Variants in VPS13C observed in about 807,000 individuals in gnomAD.
The protein encoded by VPS13C is intermembrane lipid transfer protein VPS13C.
A neutral mutation model predicts 456.8 loss-of-function variants in VPS13C; 358 were observed. The observed-to-expected ratio is 0.78, with a 90% CI of 0.72 to 0.86. The LOEUF (loss-of-function observed/expected upper bound fraction) is 0.86. Ranked by LOEUF, VPS13C falls within the 40% of genes least tolerant of loss-of-function variation. The pLI, the probability that VPS13C is intolerant of heterozygous loss-of-function variation, is 0.00. For synonymous variants in VPS13C, 1,578 were observed against 1,486.7 expected (o/e 1.06, Z -1.41); for missense variants, 4,818 against 4,385.4 (o/e 1.10, Z -2.79).
intron 78 of VPS13C, among the ~76,000 whole-genome samples, 154 bp downstream of exon 78, chr15:61,873,092 G>C (rs1895154173): frequency 6.6e-6 from 1 of 151,794 alleles, no homozygotes; most frequent in African/African-American, 2.4e-5. Context: ...AATGGGGAAG[G>C]GGAGCAAAAA....
chr15:61,928,273 A>G (rs1394320716), intron 51 of VPS13C, among the ~76,000 whole-genome samples: 1 of 152,170 alleles, frequency 6.6e-6, no homozygotes, highest in Non-Finnish European at 1.5e-5. Flanking sequence ...AGGCATAAGT[A>G]TATATTATAT....
rs2045477215 is a variant in VPS13C, at chr15:61,969,362, T to C, written c.2848A>G (p.Thr950Ala). Residue 950 changes from threonine (T) to alanine (A), a missense_variant, in exon 28 of 85, where the codon ACA becomes GCA. Thr to Ala is a moderately conservative substitution (Grantham distance 58). Around this residue, in one of 3 missense-constraint regions of VPS13C, gnomAD observed 4,552 missense variants for 4,130.6 expected, o/e 1.10. Coordinates refer to ENST00000644861, the MANE Select transcript of VPS13C (RefSeq NM_020821.3). ...TQLGTEATMR[T>A]FDLTVVSYLK... Reference sequence around the variant, plus strand: ...TAAGATACCACAGTTAAGTCAAATGTTCTCATTGTGGCCTCTGTTCCTAAC... The same window carrying C: ...TAAGATACCACAGTTAAGTCAAATGCTCTCATTGTGGCCTCTGTTCCTAAC... The C allele has an allele frequency of 1.2e-6, 2 of 1,604,558 alleles. No individual in the cohort carries two copies. Among genetic ancestry groups the C allele is most frequent in the South Asian group, 1.1e-5 (1 of 88,890 alleles).
chr15:61,949,873 G>A (rs1021837216), intron 41 of VPS13C, among the ~76,000 whole-genome samples: 1 of 152,066 alleles, frequency 6.6e-6, no homozygotes, highest in Non-Finnish European at 1.5e-5. Context: ...AATATTATCA[G>A]GCTTTAAACC....
At position 61,860,533 on chromosome 15, in the gene VPS13C, A is replaced by AAAGGG. The variant is rs556062033; in HGVS notation, c.10952+2906_10952+2907insCCCTT. ...GAAAAAGATTTGGTTACAAATAAAT[A>AAAGGG]ACAATAAGATACTAGGGAAAAAATG... On this transcript the variant is annotated intron_variant, in intron 82 of 84. Coordinates refer to ENST00000644861, the MANE Select transcript of VPS13C (RefSeq NM_020821.3). Among the ~76,000 whole-genome samples the AAAGGG allele has an allele frequency of 1.1e-3, 165 of 152,306 alleles. 1 individual carries two copies. In the East Asian group the frequency reaches 0.018, roughly 17 times the overall value.
At position 62,044,226 on chromosome 15, in the gene VPS13C, T is replaced by G. The variant is rs772653631; in HGVS notation, c.130A>C (p.Lys44Gln). The G allele has an allele frequency of 2.6e-5, 39 of 1,485,586 alleles. No homozygotes were observed. The highest frequency in any genetic ancestry group is 2.9e-5 in the Non-Finnish European group (31 of 1,081,420). The allele number at this position is 1,485,586 out of a possible 1,614,324, so 92.0% of individuals were successfully genotyped here. ...GNVALDNLQI[K>Q]ENALSELDVP... ...AAAAAACTTACCAGGGCATTTTCTT[T>G]TATCTGTAGATTATCTAAAGCCACA... is the stretch of plus-strand genomic sequence containing the variant. The change falls in exon 2 of 85, where the codon AAA (lysine) becomes CAA (glutamine). Residue 44 changes from lysine (K) to glutamine (Q), a missense_variant. Physicochemically the swap from Lys to Gln is moderately conservative, Grantham distance 53. Around this residue, in one of 3 missense-constraint regions of VPS13C, gnomAD observed 4,552 missense variants for 4,130.6 expected, o/e 1.10. Transcript: ENST00000644861.
chr15:61,876,915 A>T, intron 75 of VPS13C, 58 bp downstream of exon 75: 5 of 1,333,044 alleles, frequency 3.8e-6, no homozygotes, highest in Non-Finnish European at 4.2e-6. Context: ...AGTCACATGC[A>T]AATGTTTTGA....
At chr15:61,893,838 T>G (rs115818635) in intron 66 of VPS13C, among the ~76,000 whole-genome samples, 1 of 152,036 alleles carries the variant, frequency 6.6e-6, no homozygotes, top group Non-Finnish European at 1.5e-5. Flanking sequence ...TTTAAAATAA[T>G]GTATTGTGTC....
chr15:61,941,704 A>C, intron 46 of VPS13C, 59 bp downstream of exon 46: 2 of 1,494,460 alleles, frequency 1.3e-6, no homozygotes. Flanking sequence ...CCTTAGGTAA[A>C]AATTGTATGA....
intron 16 of VPS13C, among the ~76,000 whole-genome samples, chr15:61,999,856 A>T (rs757985736): frequency 1.3e-5 from 2 of 149,822 alleles, no homozygotes; most frequent in Admixed American, 6.7e-5. Flanking sequence ...GAAAGAAGAG[A>T]GGGAGAGAAG....
chr15:62,053,458 C>T (rs1392554452), intron 1 of VPS13C, among the ~76,000 whole-genome samples: 2 of 152,198 alleles, frequency 1.3e-5, no homozygotes, highest in Admixed American at 6.5e-5. Context: ...TGGCTCTTTA[C>T]TCACCAATAT....
chr15:61,865,948 A>T (rs565122668), intron 81 of VPS13C: 2 of 983,570 alleles, frequency 2.0e-6, no homozygotes, highest in Non-Finnish European at 2.4e-6. Context: ...AAAGATCCCC[A>T]AATAAATTAT....
intron 54 of VPS13C, 23 bp from the exon 55 acceptor site, chr15:61,922,056 A>G: frequency 6.2e-7 from 1 of 1,608,522 alleles, no homozygotes; most frequent in Non-Finnish European, 8.5e-7. Context: ...ACACAAAATT[A>G]TAAGACAGTC....
chr15:61,967,301 A>G, intron 29 of VPS13C, 67 bp downstream of exon 29: 1 of 1,354,808 alleles, frequency 7.4e-7, no homozygotes, highest in Non-Finnish European at 1.0e-6. Context: ...ACTTACTGTC[A>G]TATTCTTCCT....
chr15:62,000,693 T>A (rs141494425), intron 15 of VPS13C, 67 bp from the exon 16 acceptor site: 1 of 1,383,720 alleles, frequency 7.2e-7, no homozygotes, highest in African/African-American at 1.5e-5. Context: ...TTTTCTTTCA[T>A]GATTTCTAGG....
chr15:61,913,411 T>A lies in VPS13C; in HGVS notation c.8450A>T (p.Gln2817Leu). The A allele has an allele frequency of 1.2e-6, 2 of 1,613,208 alleles. No individual in the cohort carries two copies. The highest frequency in any genetic ancestry group is 1.7e-6 in the Non-Finnish European group (2 of 1,179,198). ...KKNIFTKNKV[Q>L]LKISTSAWSS... is the part of the protein sequence containing the mutation. Reference sequence around the variant, plus strand: ...CCAGGCACTGGTTGAAATTTTTAATTGTACCTATACCAGAGAGCACATATC... The same window carrying A: ...CCAGGCACTGGTTGAAATTTTTAATAGTACCTATACCAGAGAGCACATATC... Residue 2817 changes from glutamine (Q) to leucine (L), a missense_variant, in exon 62 of 85, where the codon CAA (glutamine) becomes CTA (leucine). Gln to Leu is a moderately radical substitution (Grantham distance 113). Coordinates refer to ENST00000644861, the MANE Select transcript of VPS13C (RefSeq NM_020821.3).
intron 18 of VPS13C, among the ~76,000 whole-genome samples, chr15:61,987,727 T>C (rs540609258): frequency 2.0e-5 from 3 of 152,168 alleles, no homozygotes; most frequent in Admixed American, 1.3e-4. Flanking sequence ...TGGCTAAAAT[T>C]AAAAAGCCTG....
intron 3 of VPS13C, among the ~76,000 whole-genome samples, chr15:62,037,458 A>G (rs372726524): frequency 2.1e-5 from 1 of 47,954 alleles, no homozygotes; most frequent in African/African-American, 5.0e-5. Flanking sequence ...AAATATATAA[A>G]TATAATATAA....
At chr15:62,003,230 T>C (rs1391623196) in intron 15 of VPS13C, among the ~76,000 whole-genome samples, 1 of 151,296 alleles carries the variant, frequency 6.6e-6, no homozygotes. Flanking sequence ...GAAGAGGTCC[T>C]TCACGTCCTT....
chr15:62,015,766 G>A (rs866692858), intron 9 of VPS13C, among the ~76,000 whole-genome samples: 129 of 115,916 alleles, frequency 1.1e-3, no homozygotes, highest in Middle Eastern at 4.1e-3. Context: ...TCACACTCTG[G>A]GGACTGTGGT....
Sources: gnomAD v4.1 joint callset for allele counts (sites outside exome capture counted in the v4.1 genomes callset) on GRCh38, gnomAD v4.1.1 for gene constraint, gnomAD v4.1.1 regional missense constraint, MANE v1.5 for transcripts, NCBI Gene and HGNC (gene_info 2026-07-23, HGNC 2026-07-21) for gene names.